Variants in KLHL1 observed in about 807,000 individuals in gnomAD.
KLHL1 encodes kelch like family member 1.
KLHL1 carries 47 observed loss-of-function variants against 77.7 expected under a neutral mutation model. That is an observed-to-expected ratio of 0.60 (90% CI 0.48 to 0.77). The LOEUF is 0.77. Ranked by LOEUF, KLHL1 falls within the 30% of genes least tolerant of loss-of-function variation. The pLI is 0.00. For missense variants in KLHL1, 925 were observed against 910.8 expected, an observed-to-expected ratio of 1.02 and a Z score of -0.20; for synonymous variants, 360 against 325.2, an observed-to-expected ratio of 1.11 and a Z score of -1.15.
In KLHL1 at chr13:69,829,221, C is replaced by T. The variant is rs937138630; in HGVS notation, c.1414+9755G>A. On this transcript the variant is annotated intron_variant, in intron 6 of 10. Coordinates refer to ENST00000377844, the MANE Select transcript of KLHL1 (RefSeq NM_020866.3). ...ATTCACTTCACTCCCCTACTACCTC[C>T]GCTGTTGTGTATGGCTGAGAGACCT... Among the ~76,000 whole-genome samples the T allele has an allele frequency of 1.9e-4, 28 of 149,928 alleles. 2 individuals are homozygous for T. The highest frequency in any genetic ancestry group is 5.5e-4 in the African/African-American group (22 of 39,866).
chr13:69,787,116 A>G (rs1593831768), intron 7 of KLHL1, among the ~76,000 whole-genome samples: 2 of 152,328 alleles, frequency 1.3e-5, no homozygotes, highest in Non-Finnish European at 1.5e-5. Context: ...TGCCATCCCC[A>G]TCAAGCTACC....
At chr13:69,782,388 G>A (rs1876269764) in intron 7 of KLHL1, among the ~76,000 whole-genome samples, 1 of 152,232 alleles carries the variant, frequency 6.6e-6, no homozygotes, top group Admixed American at 6.5e-5. Flanking sequence ...GAAGCGCAAG[G>A]GGTCAGGGAG....
At chr13:69,736,148 G>A (rs1429077473) in intron 8 of KLHL1, among the ~76,000 whole-genome samples, 1 of 152,096 alleles carries the variant, frequency 6.6e-6, no homozygotes, top group East Asian at 1.9e-4. Context: ...TCCAACAAAT[G>A]ACTAATATCC....
chr13:69,920,024 A>G (rs1466555855), intron 4 of KLHL1, among the ~76,000 whole-genome samples: 1 of 152,108 alleles, frequency 6.6e-6, no homozygotes, highest in Non-Finnish European at 1.5e-5. Context: ...TAAAATTATT[A>G]CTGGTCTTTT....
chr13:69,985,857 T>TAC (rs1222884929), intron 1 of KLHL1, among the ~76,000 whole-genome samples: 14 of 105,050 alleles, frequency 1.3e-4, no homozygotes, highest in African/African-American at 3.8e-4. Flanking sequence ...GATATATATA[T>TAC]ACATAGTATT....
chr13:70,036,063 AAAT>A lies in KLHL1; in HGVS notation c.498-60264_498-60262del, dbSNP rs145208547. 5.7e-4 allele frequency among the ~76,000 whole-genome samples: 87 copies of A among 152,074 alleles called. 1 individual carries two copies. In the East Asian group the frequency reaches 0.015, roughly 27 times the overall value. On this transcript the variant is annotated intron_variant, in intron 1 of 10. Coordinates refer to ENST00000377844, the MANE Select transcript of KLHL1 (RefSeq NM_020866.3). The stretch of plus-strand genomic sequence containing the variant: ...ATTACACAGAATCTTACATTTGAGG[AAAT>A]AATAATCATACTTCTAAAGTAGTTA...
chr13:70,106,132 T>C (rs1303897972), intron 1 of KLHL1, among the ~76,000 whole-genome samples: 2 of 151,686 alleles, frequency 1.3e-5, no homozygotes, highest in African/African-American at 4.8e-5. Flanking sequence ...ATCTATTCTT[T>C]TTGGTACTTA....
chr13:69,885,162 G>T (rs993316459), intron 4 of KLHL1, among the ~76,000 whole-genome samples: 1 of 135,818 alleles, frequency 7.4e-6, no homozygotes, highest in Non-Finnish European at 1.5e-5. Context: ...GGATGGTCTC[G>T]ATCTCCTGAC....
chr13:69,877,277 TA>T (rs1235110157), intron 5 of KLHL1, among the ~76,000 whole-genome samples: 6 of 152,144 alleles, frequency 3.9e-5, no homozygotes, highest in African/African-American at 1.2e-4. Context: ...AATTCATACA[TA>T]GTAAATATTT....
intron 6 of KLHL1, among the ~76,000 whole-genome samples, chr13:69,822,177 G>A (rs1157431271): frequency 7.1e-6 from 1 of 141,490 alleles, no homozygotes; most frequent in African/African-American, 2.7e-5. Context: ...CAGCCTGGGT[G>A]ACAGAGGGAG....
At chr13:69,782,782 ATGTCCC>A (rs1379919859) in intron 7 of KLHL1, among the ~76,000 whole-genome samples, 1 of 152,190 alleles carries the variant, frequency 6.6e-6, no homozygotes, top group Non-Finnish European at 1.5e-5. Flanking sequence ...ACAGACTTAA[ATGTCCC>A]TGTCTGACAG....
chr13:69,810,265 T>C (rs1342728974), intron 6 of KLHL1, among the ~76,000 whole-genome samples: 1 of 152,072 alleles, frequency 6.6e-6, no homozygotes, highest in East Asian at 1.9e-4. Context: ...ATGAAACATA[T>C]GCTAAAATTT....
At chr13:69,903,630 CTTTTTTTTTTTT>C (rs35761520) in intron 4 of KLHL1, among the ~76,000 whole-genome samples, 24 of 50,180 alleles carry the variant, frequency 4.8e-4, no homozygotes, top group South Asian at 1.1e-3. Flanking sequence ...TGTTCACATT[CTTTTTTTTTTTT>C]TTTTTTTTTT....
At chr13:70,064,407 G>A (rs1886960036) in intron 1 of KLHL1, among the ~76,000 whole-genome samples, 3 of 152,104 alleles carry the variant, frequency 2.0e-5, no homozygotes, top group South Asian at 4.1e-4. Flanking sequence ...TGGGGATGAC[G>A]TGAAATGACC....
chr13:69,937,761 C>G (rs559436160), intron 4 of KLHL1, among the ~76,000 whole-genome samples: 6 of 152,030 alleles, frequency 3.9e-5, no homozygotes, highest in African/African-American at 1.2e-4. Context: ...GTAGCTGAAG[C>G]CAAATACATA....
intron 9 of KLHL1, 42 bp downstream of exon 9, chr13:69,719,327 T>G: frequency 1.9e-6 from 3 of 1,551,952 alleles, no homozygotes; most frequent in Non-Finnish European, 2.7e-6. Flanking sequence ...CAATGTGATT[T>G]GCACTGTCTC....
At chr13:69,816,894 T>G (rs73506321) in intron 6 of KLHL1, among the ~76,000 whole-genome samples, 53,278 of 151,710 alleles carry the variant, frequency 0.35, 9,724 homozygotes, top group African/African-American at 0.45. Flanking sequence ...GGAGGCAGAG[T>G]TTGCAGTGGG....
chr13:69,734,174 C>T (rs1873671793), intron 8 of KLHL1, among the ~76,000 whole-genome samples: 1 of 151,978 alleles, frequency 6.6e-6, no homozygotes, highest in Admixed American at 6.6e-5. Context: ...AGTGAGTGCT[C>T]GTGAGATCTG....
chr13:70,071,010 A>G (rs1887125827), intron 1 of KLHL1, among the ~76,000 whole-genome samples: 1 of 152,124 alleles, frequency 6.6e-6, no homozygotes, highest in South Asian at 2.1e-4. Context: ...AAAAAGTAAC[A>G]AGGGAAATAT....
Sources: gnomAD v4.1 joint callset for allele counts (sites outside exome capture counted in the v4.1 genomes callset) on GRCh38, gnomAD v4.1.1 for gene constraint, MANE v1.5 for transcripts, NCBI Gene and HGNC (gene_info 2026-07-23, HGNC 2026-07-21) for gene names.